VPS13B: variants seen among roughly 807,000 people sequenced by gnomAD.
VPS13B encodes intermembrane lipid transfer protein VPS13B.
In VPS13B, 285 loss-of-function variants were observed where a neutral mutation model predicts 426.4. The observed-to-expected ratio is 0.67, with a 90% CI of 0.61 to 0.74. VPS13B has a LOEUF of 0.74. Among genes scored for constraint, VPS13B ranks in the 30% least tolerant of loss-of-function variants. The pLI, the probability that VPS13B is intolerant of heterozygous loss-of-function variation, is 0.00. For synonymous variants in VPS13B, 1,676 were observed against 1,676.4 expected, an observed-to-expected ratio of 1.00 and a Z score of 0.01; for missense variants, 4,537 against 4,782.6, an observed-to-expected ratio of 0.95 and a Z score of 1.51.
At chr8:99,270,924 T>C (rs1818558868) in intron 17 of VPS13B, among the ~76,000 whole-genome samples, 1 of 152,194 alleles carries the variant, frequency 6.6e-6, no homozygotes, top group African/African-American at 2.4e-5. Flanking sequence ...TAGCTCAGCA[T>C]CCTTTGTTAT....
chr8:99,310,990 T>C (rs1820934725), intron 19 of VPS13B, among the ~76,000 whole-genome samples: 2 of 152,214 alleles, frequency 1.3e-5, no homozygotes, highest in South Asian at 2.1e-4. Flanking sequence ...GATGGTAGTT[T>C]GTATTTCTGT....
At chr8:99,728,204 A>C (rs1262511692) in intron 39 of VPS13B, among the ~76,000 whole-genome samples, 1 of 152,170 alleles carries the variant, frequency 6.6e-6, no homozygotes, top group Non-Finnish European at 1.5e-5. Flanking sequence ...TACCACTGAA[A>C]TTTTCTGAGA....
At chr8:99,056,547 T>C (rs576663268) in intron 3 of VPS13B, among the ~76,000 whole-genome samples, 1 of 152,366 alleles carries the variant, frequency 6.6e-6, no homozygotes, top group South Asian at 2.1e-4. Flanking sequence ...GTCTAGGACT[T>C]CTAGTACAGT....
chr8:99,866,600 G>C (rs755734671), intron 58 of VPS13B, among the ~76,000 whole-genome samples: 12 of 152,242 alleles, frequency 7.9e-5, no homozygotes, highest in African/African-American at 2.9e-4. Flanking sequence ...CAGAGAAAAC[G>C]GAAGAGCAGA....
chr8:99,299,063 T>C (rs893871712), intron 19 of VPS13B, among the ~76,000 whole-genome samples: 1 of 145,496 alleles, frequency 6.9e-6, no homozygotes, highest in East Asian at 2.0e-4. Flanking sequence ...TTTTTTTTTT[T>C]TTTTTTTTTT....
intron 44 of VPS13B, among the ~76,000 whole-genome samples, chr8:99,814,099 C>G (rs959923606): frequency 4.7e-4 from 71 of 152,248 alleles, no homozygotes; most frequent in African/African-American, 1.4e-3. Context: ...GAAATCTTGC[C>G]ACTGCATTCC....
At chr8:99,583,763 G>A (rs747697900) in intron 33 of VPS13B, among the ~76,000 whole-genome samples, 10 of 152,148 alleles carry the variant, frequency 6.6e-5, no homozygotes, top group Admixed American at 1.3e-4. Flanking sequence ...GGTAAGATGA[G>A]GGATATAGAG....
chr8:99,293,983 G>A (rs1259591590), intron 19 of VPS13B, among the ~76,000 whole-genome samples: 16 of 113,778 alleles, frequency 1.4e-4, no homozygotes, highest in African/African-American at 5.7e-4. Flanking sequence ...TCAGTGTGGC[G>A]ATTCCTCAGG....
At chr8:99,828,195 G>A (rs1396054416) in intron 51 of VPS13B, among the ~76,000 whole-genome samples, 1 of 152,050 alleles carries the variant, frequency 6.6e-6, no homozygotes. Flanking sequence ...CAATTATGGT[G>A]TGGGAGTCTA....
intron 44 of VPS13B, among the ~76,000 whole-genome samples, chr8:99,815,478 G>A (rs190295521): frequency 1.3e-4 from 20 of 152,170 alleles, no homozygotes. Flanking sequence ...GCCCACCCAT[G>A]GTGGGGAAGA....
chr8:99,326,452 C>CTTTTTTT (rs747097247), intron 19 of VPS13B, among the ~76,000 whole-genome samples: 1,093 of 32,512 alleles, frequency 0.034, 425 homozygotes, highest in African/African-American at 0.097. Context: ...CTCTAGGTAG[C>CTTTTTTT]TTTTTTTTTT....
In VPS13B at chr8:99,868,185, TG is replaced by T; in HGVS notation, c.11216-100del. The stretch of plus-strand genomic sequence containing the variant: ...GTAGTAAAGACCTTTATAATGAGGG[TG>T]GGGACTCATTTTCAATCCAGATAAA... On this transcript the variant is annotated intron_variant, in intron 58 of 61. Transcript: ENST00000357162. The T allele has an allele frequency of 2.1e-6, 3 of 1,409,826 alleles. No individual in the cohort carries two copies. In the South Asian group the frequency reaches 3.6e-5, roughly 17 times the overall value. The allele number at this position is 1,409,826 out of a possible 1,614,324, so 87.3% of individuals were successfully genotyped here.
At chr8:99,359,930 G>A (rs1812405628) in intron 19 of VPS13B, among the ~76,000 whole-genome samples, 2 of 152,180 alleles carry the variant, frequency 1.3e-5, no homozygotes, top group South Asian at 4.1e-4. Context: ...AGCCTTCCAA[G>A]TAACTGGGAC....
intron 33 of VPS13B, among the ~76,000 whole-genome samples, chr8:99,615,917 T>G: frequency 6.6e-6 from 1 of 152,296 alleles, no homozygotes. Context: ...TATATGTATA[T>G]TATAGGCAAT....
At chr8:99,272,925 A>C (rs1818674336) in intron 17 of VPS13B, among the ~76,000 whole-genome samples, 2 of 152,286 alleles carry the variant, frequency 1.3e-5, no homozygotes, top group Admixed American at 1.3e-4. Context: ...TTTGAGAGCC[A>C]ATATTGACTC....
intron 17 of VPS13B, among the ~76,000 whole-genome samples, chr8:99,243,927 A>G (rs1490427605): frequency 1.3e-5 from 2 of 152,256 alleles, no homozygotes; most frequent in Non-Finnish European, 2.9e-5. Context: ...TCTTTAGCTT[A>G]TAGACACAGC....
chr8:99,854,322 A>G, intron 56 of VPS13B, 66 bp downstream of exon 56: 2 of 1,546,612 alleles, frequency 1.3e-6, no homozygotes. Context: ...GCTTGGGGGT[A>G]GCACCTCATT....
At chr8:99,531,748 A>G (rs535041845) in intron 30 of VPS13B, among the ~76,000 whole-genome samples, 1 of 152,178 alleles carries the variant, frequency 6.6e-6, no homozygotes, top group Non-Finnish European at 1.5e-5. Context: ...AATCTTGTGC[A>G]ATTGAGAAAT....
At position 99,579,923 on chromosome 8, in the gene VPS13B, C is replaced by T. The variant is rs553524889; in HGVS notation, c.5220+2290C>T. On this transcript the variant is annotated intron_variant, in intron 33 of 61. Transcript: ENST00000357162. Reference sequence around the variant, plus strand: ...ATGTCAGCCAGGCTTGTCTTGAACTCCCGACCTCAGGTGATCTGGCCCCCT... The same window carrying T: ...ATGTCAGCCAGGCTTGTCTTGAACTTCCGACCTCAGGTGATCTGGCCCCCT... Among the ~76,000 whole-genome samples, 9 of 152,068 alleles carry T rather than the reference C, an allele frequency of 5.9e-5. 1 individual carries two copies. The South Asian group carries it at 1.9e-3, about 32-fold the overall frequency.
Sources: allele counts gnomAD v4.1 joint callset (sites outside exome capture counted in the v4.1 genomes callset), GRCh38; gene constraint gnomAD v4.1.1; transcripts MANE v1.5; gene names NCBI Gene and HGNC (gene_info 2026-07-23, HGNC 2026-07-21).